The following IFT27 variants were observed in gnomAD, a reference collection of about 807,000 sequenced individuals.
IFT27 encodes the protein intraflagellar transport 27.
A neutral mutation model predicts 23.9 loss-of-function variants in IFT27; 19 were observed. The ratio of observed to expected loss-of-function variants is 0.79; its 90% CI spans 0.55 to 1.16. The LOEUF (loss-of-function observed/expected upper bound fraction) is 1.16, where lower values mean the gene tolerates loss of function less well. Among genes scored for constraint, IFT27 ranks in the 50% most tolerant of loss-of-function variants. The probability of loss-of-function intolerance (pLI) is 0.00; values close to 1 mark genes in which losing one functional copy is unlikely to be tolerated. For missense variants in IFT27, 206 were observed against 228.7 expected (o/e 0.90, Z 0.64); for synonymous variants, 91 against 89.1 (o/e 1.02, Z -0.12).
At chr22:36,772,406 T>G in intron 1 of IFT27, 1 of 692,242 alleles carries the variant, frequency 1.4e-6, no homozygotes, top group Non-Finnish European at 1.8e-6. Flanking sequence ...CCCCACAGAA[T>G]TGTTATGAGG....
chr22:36,774,747 G>A (rs1364530274), intron 1 of IFT27, among the ~76,000 whole-genome samples: 1 of 152,112 alleles, frequency 6.6e-6, no homozygotes, highest in African/African-American at 2.4e-5. Flanking sequence ...GGGAGGTGGA[G>A]GTTGCAGTGA....
At chr22:36,758,442 CT>C in intron 6 of IFT27, 33 bp from the exon 7 acceptor site, 1 of 1,547,462 alleles carries the variant, frequency 6.5e-7, no homozygotes, top group Non-Finnish European at 8.9e-7. Context: ...TGGCTGTGTT[CT>C]TTTAGAAGGG....
In IFT27 at chr22:36,758,252, T is replaced by A; in HGVS notation, c.*59A>T. On this transcript the variant is annotated 3_prime_UTR_variant, in exon 7 of 7. Coordinates refer to ENST00000433985, the MANE Select transcript of IFT27 (RefSeq NM_001177701.3). ...TTTATTTAAAGCCATCATTATATATTAAAAGAGCAGAGGTAATTCTGTCTT... is the reference window on the plus strand; with the variant it reads ...TTTATTTAAAGCCATCATTATATATAAAAAGAGCAGAGGTAATTCTGTCTT... 1 of 1,294,860 alleles carries A rather than the reference T, an allele frequency of 7.7e-7. No individual in the cohort carries two copies. The highest frequency in any genetic ancestry group is 1.1e-6 in the Non-Finnish European group (1 of 891,146). 80.2% of individuals were successfully genotyped at this position (1,294,860 alleles called of 1,614,324 possible).
chr22:36,767,675 T>A, intron 2 of IFT27, 108 bp downstream of exon 2: 2 of 1,037,134 alleles, frequency 1.9e-6, no homozygotes, highest in Middle Eastern at 2.9e-4. Flanking sequence ...CTGAGCAGCC[T>A]TTCATCAGCT....
intron 1 of IFT27, among the ~76,000 whole-genome samples, chr22:36,769,109 G>A (rs1289763392): frequency 6.6e-6 from 1 of 152,168 alleles, no homozygotes; most frequent in Non-Finnish European, 1.5e-5. Context: ...AACTCCTCCA[G>A]GTTTGAGTGA....
intron 1 of IFT27, among the ~76,000 whole-genome samples, chr22:36,771,950 C>G (rs1252459854): frequency 6.6e-6 from 1 of 152,150 alleles, no homozygotes; most frequent in African/African-American, 2.4e-5. Context: ...CCCACCTTCC[C>G]ACTCTCTCCC....
intron 4 of IFT27, among the ~76,000 whole-genome samples, chr22:36,764,966 T>C (rs991635788): frequency 1.3e-5 from 2 of 152,206 alleles, no homozygotes; most frequent in Non-Finnish European, 2.9e-5. Flanking sequence ...CAGAAGAGAA[T>C]CCTTTTCCCT....
intron 1 of IFT27, chr22:36,772,594 A>G (rs4821523): frequency 0.79 from 781,368 of 985,128 alleles, 310,671 homozygotes; most frequent in East Asian, 0.91. Flanking sequence ...AAGGGCATTC[A>G]CTTTGTGTTC....
chr22:36,772,831 T>C (rs1938415771), intron 1 of IFT27: 1 of 969,172 alleles, frequency 1.0e-6, no homozygotes, highest in Non-Finnish European at 1.2e-6. Context: ...GGGTCATGGA[T>C]GGAAAAATAA....
At chr22:36,762,682 T>C in intron 6 of IFT27, 2 of 401,812 alleles carry the variant, frequency 5.0e-6, no homozygotes, top group East Asian at 3.7e-5. Flanking sequence ...CTAGTTGAGA[T>C]ACACCTTTTC....
chr22:36,766,053 G>A lies in IFT27; in HGVS notation c.234+85C>T, dbSNP rs2157185. The A allele has an allele frequency of 1.9e-5, 20 of 1,078,800 alleles. No homozygotes were observed. The South Asian group carries it at 2.5e-4, about 13-fold the overall frequency. 66.8% of individuals were successfully genotyped at this position (1,078,800 alleles called of 1,614,324 possible). The stretch of plus-strand genomic sequence containing the variant: ...GGGAGCTTCCCAACAGCACAGTGCA[G>A]GGAAACTGCTGTGTGAGCACTGTCA... On this transcript the variant is annotated intron_variant, in intron 4 of 6. Coordinates refer to ENST00000433985, the MANE Select transcript of IFT27 (RefSeq NM_001177701.3).
intron 4 of IFT27, 141 bp downstream of exon 4, chr22:36,765,997 G>A (rs1938238960): frequency 4.0e-6 from 3 of 745,576 alleles, no homozygotes; most frequent in South Asian, 3.1e-5. Context: ...GTCCTGGGCT[G>A]GGAGGAATGC....
Position 36,758,406 on chromosome 22 carries a change from C to A in IFT27, c.466G>T (p.Glu156Ter), listed in dbSNP as rs1472758160. ...AAAGGGGCTTCGAAGTTTTCCATCT[C>A]TTTCTGGAAAGACAGTTTAAAAAGT... ...GLECFETSVK[E>*]MENFEAPFHC... The change falls in exon 7 of 7, where the codon GAG becomes TAG. Residue 156 changes from glutamate to a stop codon, truncating the protein, a stop_gained. Coordinates refer to ENST00000433985, the MANE Select transcript of IFT27 (RefSeq NM_001177701.3). LOFTEE classifies it high-confidence loss of function. 1.2e-6 allele frequency: 2 copies of A among 1,613,128 alleles called. No individual in the cohort carries two copies. Among genetic ancestry groups the A allele is most frequent in the Admixed American group, 1.7e-5 (1 of 60,008 alleles).
At chr22:36,771,345 G>A (rs1032074591) in intron 1 of IFT27, among the ~76,000 whole-genome samples, 3 of 152,314 alleles carry the variant, frequency 2.0e-5, no homozygotes, top group South Asian at 4.1e-4. Flanking sequence ...TTGAAATGCC[G>A]AGTAGAGTTG....
In IFT27 at chr22:36,772,577, G is replaced by C. The variant is rs527491914; in HGVS notation, c.34+3097C>G. 193 of 985,320 alleles carry C rather than the reference G, an allele frequency of 2.0e-4. 2 individuals carry two copies. The African/African-American group carries it at 3.3e-3, about 17-fold the overall frequency. 61.0% of individuals were successfully genotyped at this position (985,320 alleles called of 1,614,324 possible). A position where few individuals can be genotyped will look rare whatever the true frequency, so the allele number is the denominator to read the frequency against. ...GCCTGGAGGCATTTCCCCGCATCTG[G>C]CACACAAAGGGCATTCACTTTGTGT... On this transcript the variant is annotated intron_variant, in intron 1 of 6. Coordinates refer to ENST00000433985, the MANE Select transcript of IFT27 (RefSeq NM_001177701.3).
At chr22:36,764,285 G>A (rs887685264) in intron 4 of IFT27, among the ~76,000 whole-genome samples, 3 of 152,264 alleles carry the variant, frequency 2.0e-5, no homozygotes, top group African/African-American at 7.2e-5. Flanking sequence ...AGGCTCTGCT[G>A]GGCACTTCCG....
intron 5 of IFT27, chr22:36,763,345 C>A: frequency 3.6e-6 from 1 of 279,418 alleles, no homozygotes; most frequent in Non-Finnish European, 6.7e-6. Context: ...TAATTCTGAG[C>A]ACACGGAGCA....
chr22:36,760,190 T>C (rs1316653957), intron 6 of IFT27: 1 of 152,236 alleles, frequency 6.6e-6, no homozygotes, highest in Non-Finnish European at 1.5e-5. Flanking sequence ...CAAGCCAGTG[T>C]CGGGGTAAAA....
At chr22:36,761,700 C>T (rs1344346528) in intron 6 of IFT27, 1 of 152,202 alleles carries the variant, frequency 6.6e-6, no homozygotes, top group Non-Finnish European at 1.5e-5. Flanking sequence ...GGTGAAATAA[C>T]ATGTCCAGGT....
Sources: allele counts gnomAD v4.1 joint callset (sites outside exome capture counted in the v4.1 genomes callset), GRCh38; gene constraint gnomAD v4.1.1; transcripts MANE v1.5; gene names NCBI Gene and HGNC (gene_info 2026-07-23, HGNC 2026-07-21).